C6orf89: variants seen among roughly 807,000 people sequenced by gnomAD.
C6orf89 encodes the protein bombesin receptor-activated protein C6orf89.
In C6orf89, 29 loss-of-function variants were observed where a neutral mutation model predicts 40.7. The observed-to-expected ratio is 0.71, with a 90% CI of 0.53 to 0.97. The LOEUF (loss-of-function observed/expected upper bound fraction) is 0.97, where lower values mean the gene tolerates loss of function less well. C6orf89 is among the 50% of genes least tolerant of loss of function. The pLI is 0.00. For synonymous variants in C6orf89, 165 were observed against 152.2 expected (o/e 1.08, Z -0.62); for missense variants, 392 against 429.1 (o/e 0.91, Z 0.76).
chr6:36,900,059 G>A (rs944728364), intron 3 of C6orf89, among the ~76,000 whole-genome samples: 1 of 150,882 alleles, frequency 6.6e-6, no homozygotes, highest in Admixed American at 6.6e-5. Context: ...AGCTAATTTT[G>A]TATTTTTAGT....
chr6:36,916,379 C>A (rs1377336436), intron 6 of C6orf89, 66 bp from the exon 7 acceptor site: 33 of 1,593,232 alleles, frequency 2.1e-5, no homozygotes, highest in Non-Finnish European at 2.4e-5. Flanking sequence ...CCTTACTTGG[C>A]TCTCTCTTAG....
chr6:36,920,712 C>T (rs1762481775), intron 8 of C6orf89, among the ~76,000 whole-genome samples: 2 of 151,362 alleles, frequency 1.3e-5, no homozygotes, highest in Admixed American at 1.3e-4. Flanking sequence ...GGGAAACTTC[C>T]TACAAAAACG....
intron 1 of C6orf89, among the ~76,000 whole-genome samples, chr6:36,894,174 G>A (rs1761337346): frequency 6.6e-6 from 1 of 152,232 alleles, no homozygotes; most frequent in South Asian, 2.1e-4. Context: ...GGCACACCGT[G>A]TTCTCTTCTG....
At chr6:36,893,682 A>G (rs1761310932) in intron 1 of C6orf89, among the ~76,000 whole-genome samples, 1 of 152,236 alleles carries the variant, frequency 6.6e-6, no homozygotes, top group African/African-American at 2.4e-5. Context: ...CTGTAATCCC[A>G]GCACTTGGGA....
intron 3 of C6orf89, among the ~76,000 whole-genome samples, chr6:36,901,245 G>A (rs567425003): frequency 1.3e-5 from 2 of 150,510 alleles, no homozygotes; most frequent in Admixed American, 6.6e-5. Flanking sequence ...GCCTCCCAAA[G>A]TGCTGGAATT....
intron 1 of C6orf89, among the ~76,000 whole-genome samples, chr6:36,875,551 A>C (rs948546893): frequency 6.6e-6 from 1 of 152,288 alleles, no homozygotes; most frequent in Non-Finnish European, 1.5e-5. Flanking sequence ...GGGTTTGCGC[A>C]GGGCGCGAGG....
chr6:36,897,631 G>A (rs1382463956), intron 2 of C6orf89, among the ~76,000 whole-genome samples: 1 of 152,216 alleles, frequency 6.6e-6, no homozygotes, highest in Admixed American at 6.5e-5. Flanking sequence ...ATTGCTCTGA[G>A]TTGATGCCCA....
rs763537692 is a variant in C6orf89 at position 36,923,334 on chromosome 6, A to T, written c.950-13A>T. ...GACATTTACATGCCTTCCTCTTGCT[A>T]TTTCCCCTCAAGGCTATGTCGACAC... On this transcript the variant is annotated splice_polypyrimidine_tract_variant and intron_variant, in intron 8 of 8. Coordinates refer to ENST00000480824, the MANE Select transcript of C6orf89 (RefSeq NM_001286635.2). 1.1e-5 allele frequency: 17 copies of T among 1,606,512 alleles called. No individual in the cohort carries two copies. Among genetic ancestry groups the T allele is most frequent in the Non-Finnish European group, 1.4e-5 (17 of 1,173,772 alleles).
upstream of C6orf89, chr6:36,871,855 A>G: frequency 6.3e-7 from 1 of 1,592,340 alleles, no homozygotes; most frequent in Non-Finnish European, 8.5e-7. Flanking sequence ...GTACAGCTCC[A>G]GCACAATGAT....
At position 36,919,679 on chromosome 6, in the gene C6orf89, G is replaced by A. The variant is rs781185407; in HGVS notation, c.927G>A (p.Met309Ile). Residue 309 changes from methionine to isoleucine, a missense_variant, in exon 8 of 9, where the codon ATG (methionine) becomes ATA (isoleucine). Met to Ile is a conservative substitution (Grantham distance 10). Coordinates refer to ENST00000480824, the MANE Select transcript of C6orf89 (RefSeq NM_001286635.2). ...GAAGACATTGTCAGTCTGTGGCCAT[G>A]CCAATAGAGCCAGGGGATATCGGTA... ...QCRRHCQSVA[M>I]PIEPGDIGYV... is the part of the protein sequence containing the mutation. The A allele has an allele frequency of 6.2e-7, 1 of 1,613,858 alleles. No homozygotes were observed. The highest frequency in any genetic ancestry group is 1.7e-5 in the Admixed American group (1 of 60,016).
intron 4 of C6orf89, among the ~76,000 whole-genome samples, chr6:36,908,097 G>A (rs1031666879): frequency 3.9e-5 from 6 of 152,198 alleles, no homozygotes; most frequent in Non-Finnish European, 7.3e-5. Flanking sequence ...CCGTTTGCCC[G>A]TTCCTCTCTC....
intron 1 of C6orf89, 119 bp from the exon 2 acceptor site, chr6:36,894,385 C>T (rs532120768): frequency 3.6e-5 from 8 of 222,194 alleles, no homozygotes; most frequent in African/African-American, 1.9e-4. Flanking sequence ...ATTATTCCTA[C>T]TTGCTTTCAT....
chr6:36,888,668 A>G (rs537272825), intron 1 of C6orf89, among the ~76,000 whole-genome samples: 36 of 152,154 alleles, frequency 2.4e-4, no homozygotes, highest in Non-Finnish European at 4.3e-4. Context: ...AAGGTAGAGA[A>G]TGGATTGGGG....
intron 1 of C6orf89, among the ~76,000 whole-genome samples, chr6:36,893,440 C>T (rs1024903426): frequency 3.3e-5 from 5 of 152,140 alleles, no homozygotes; most frequent in East Asian, 3.8e-4. Context: ...TTCTTAGAAA[C>T]GTCACTAAGT....
chr6:36,902,172 T>C, intron 3 of C6orf89, 49 bp from the exon 4 acceptor site: 1 of 1,496,380 alleles, frequency 6.7e-7, no homozygotes, highest in Non-Finnish European at 9.3e-7. Flanking sequence ...TTCTTGGTAT[T>C]AAGGTATTTG....
At chr6:36,882,018 T>C (rs1159964921), upstream of C6orf89, among the ~76,000 whole-genome samples, 1 of 152,030 alleles carries the variant, frequency 6.6e-6, no homozygotes, top group Non-Finnish European at 1.5e-5. Flanking sequence ...TATTAAAAGA[T>C]AATGAAAGGT....
chr6:36,923,666 G>A lies in C6orf89; in HGVS notation c.*225G>A. 1 of 556,542 alleles carries A rather than the reference G, an allele frequency of 1.8e-6. No individual in the cohort carries two copies. Among genetic ancestry groups the A allele is most frequent in the South Asian group, 1.8e-5 (1 of 55,680 alleles). The allele number at this position is 556,542 out of a possible 1,614,324, so 34.5% of individuals were successfully genotyped here. A position where few individuals can be genotyped will look rare whatever the true frequency, so the allele number is the denominator to read the frequency against. ...AGGAAGGATTCAGCCTGGCCACTTG[G>A]CTAGGACTCTGCCAGCACCCATCTG... On this transcript the variant is annotated 3_prime_UTR_variant, in exon 9 of 9. Transcript: ENST00000480824.
At chr6:36,922,963 T>C (rs908792795) in intron 8 of C6orf89, among the ~76,000 whole-genome samples, 4 of 152,194 alleles carry the variant, frequency 2.6e-5, no homozygotes, top group African/African-American at 7.2e-5. Flanking sequence ...TGAGGGGTGG[T>C]GATAAAGCAT....
At chr6:36,901,795 C>T (rs1035937749) in intron 3 of C6orf89, among the ~76,000 whole-genome samples, 2 of 151,782 alleles carry the variant, frequency 1.3e-5, no homozygotes, top group Non-Finnish European at 2.9e-5. Flanking sequence ...CTCAGCCTCC[C>T]AAGTAGCTGG....
Sources: allele counts gnomAD v4.1 joint callset (sites outside exome capture counted in the v4.1 genomes callset), GRCh38; gene constraint gnomAD v4.1.1; transcripts MANE v1.5; gene names NCBI Gene and HGNC (gene_info 2026-07-23, HGNC 2026-07-21).